BCKDHB: variants seen among roughly 807,000 people sequenced by gnomAD.
The protein encoded by BCKDHB is branched chain keto acid dehydrogenase E1 subunit beta, also known as 2-oxoisovalerate dehydrogenase subunit beta, mitochondrial.
BCKDHB carries 41 observed loss-of-function variants against 48.5 expected under a neutral mutation model. That is an observed-to-expected ratio of 0.85 (90% CI 0.66 to 1.10). BCKDHB has a LOEUF of 1.10. Ranked by LOEUF, BCKDHB falls within the 50% of genes least tolerant of loss-of-function variation. The pLI is 0.00. For synonymous variants in BCKDHB, 201 were observed against 174.8 expected, an observed-to-expected ratio of 1.15 and a Z score of -1.18; for missense variants, 496 against 494.2, an observed-to-expected ratio of 1.00 and a Z score of -0.03.
At chr6:80,438,258 T>C in the BCKDHB span, among the ~76,000 whole-genome samples, 2 of 152,262 alleles carry the variant, frequency 1.3e-5, no homozygotes, top group African/African-American at 4.8e-5. Context: ...TTGTTCTTAC[T>C]ACATCCTAGT....
At chr6:80,376,182 G>A in the BCKDHB span, among the ~76,000 whole-genome samples, 10 of 151,982 alleles carry the variant, frequency 6.6e-5, no homozygotes, top group Admixed American at 3.9e-4. Context: ...GGCTTGCTGC[G>A]GCTGTTATGG....
At chr6:80,416,245 GT>G in the BCKDHB span, among the ~76,000 whole-genome samples, 2,857 of 139,338 alleles carry the variant, frequency 0.021, 30 homozygotes, top group Non-Finnish European at 0.027. Context: ...TTTTGAATAG[GT>G]TTTTTTTTTT....
chr6:80,266,021 A>C (rs549811556), intron 8 of BCKDHB, among the ~76,000 whole-genome samples: 1 of 152,168 alleles, frequency 6.6e-6, no homozygotes, highest in African/African-American at 2.4e-5. Flanking sequence ...CTCCAAAGAA[A>C]AATCCTGGAA....
chr6:80,205,542 A>C (rs572303366), intron 8 of BCKDHB, among the ~76,000 whole-genome samples: 2 of 152,210 alleles, frequency 1.3e-5, no homozygotes, highest in African/African-American at 4.8e-5. Context: ...TTAATCCTTG[A>C]TACATGGTTT....
chr6:80,249,174 C>G (rs767396710), intron 8 of BCKDHB, among the ~76,000 whole-genome samples: 9 of 151,780 alleles, frequency 5.9e-5, no homozygotes, highest in Non-Finnish European at 1.0e-4. Flanking sequence ...GTTCCTCCCA[C>G]CCAATCCTCA....
intron 8 of BCKDHB, among the ~76,000 whole-genome samples, chr6:80,257,695 G>A (rs1023403686): frequency 6.6e-6 from 1 of 151,928 alleles, no homozygotes; most frequent in African/African-American, 2.4e-5. Context: ...CCTCAGAACC[G>A]GAGAAGACAA....
the BCKDHB span, among the ~76,000 whole-genome samples, chr6:80,405,412 C>G: frequency 6.6e-6 from 1 of 152,062 alleles, no homozygotes; most frequent in Admixed American, 6.6e-5. Context: ...CACTTTCAGT[C>G]TATGCATGTT....
At chr6:80,314,949 C>T (rs1015211554) in intron 9 of BCKDHB, among the ~76,000 whole-genome samples, 1 of 152,190 alleles carries the variant, frequency 6.6e-6, no homozygotes, top group Non-Finnish European at 1.5e-5. Flanking sequence ...GCAAAGCCCA[C>T]GGGCTGGAAT....
chr6:80,211,498 T>C (rs189396700), intron 8 of BCKDHB, among the ~76,000 whole-genome samples: 21 of 152,292 alleles, frequency 1.4e-4, no homozygotes, highest in South Asian at 2.1e-4. Flanking sequence ...TTCCTTGCCA[T>C]AGGCAGAGTT....
At chr6:80,377,091 A>T in the BCKDHB span, among the ~76,000 whole-genome samples, 2 of 146,346 alleles carry the variant, frequency 1.4e-5, no homozygotes, top group African/African-American at 5.1e-5. Context: ...CCCAGGCTAG[A>T]GTTTAGTGGT....
At chr6:80,414,754 T>C in the BCKDHB span, among the ~76,000 whole-genome samples, 3 of 152,176 alleles carry the variant, frequency 2.0e-5, no homozygotes, top group East Asian at 1.9e-4. Context: ...TATGGTTCCA[T>C]AGAAATTTTA....
intron 8 of BCKDHB, among the ~76,000 whole-genome samples, chr6:80,271,756 T>C (rs2127962945): frequency 6.6e-6 from 1 of 151,706 alleles, no homozygotes; most frequent in East Asian, 1.9e-4. Flanking sequence ...GAGGTTGCAG[T>C]GAGCCGACAT....
chr6:80,219,498 C>T (rs1775317893), intron 8 of BCKDHB, among the ~76,000 whole-genome samples: 1 of 152,134 alleles, frequency 6.6e-6, no homozygotes, highest in Non-Finnish European at 1.5e-5. Flanking sequence ...TAAGCCACCG[C>T]ACCCAGGGTA....
At chr6:80,381,104 C>T in the BCKDHB span, among the ~76,000 whole-genome samples, 1 of 151,898 alleles carries the variant, frequency 6.6e-6, no homozygotes, top group Admixed American at 6.6e-5. Flanking sequence ...TATTTTGCTG[C>T]CTTTCTTAGA....
In BCKDHB at chr6:80,186,487, C is replaced by G. The variant is rs553915652; in HGVS notation, c.743-14447C>G. Among the ~76,000 whole-genome samples, 5 of 152,280 alleles carry G rather than the reference C, an allele frequency of 3.3e-5. No homozygotes were observed. The South Asian group carries it at 6.2e-4, about 19-fold the overall frequency. ...GATAGATCTTGCCCCAGACTACAAG[C>G]CTTCCTGCTGAGAAAACAAGCAGGG... is the stretch of plus-strand genomic sequence containing the variant. On this transcript the variant is annotated intron_variant, in intron 6 of 9. Transcript: ENST00000320393.
At chr6:80,361,807 C>A in the BCKDHB span, among the ~76,000 whole-genome samples, 2 of 152,142 alleles carry the variant, frequency 1.3e-5, no homozygotes, top group Non-Finnish European at 2.9e-5. Flanking sequence ...TCTTTGTGAT[C>A]TCTAAGTGCT....
chr6:80,172,501 G>A (rs1016883655), intron 6 of BCKDHB, among the ~76,000 whole-genome samples: 2 of 151,776 alleles, frequency 1.3e-5, no homozygotes, highest in Non-Finnish European at 2.9e-5. Context: ...ATTTTTCTAA[G>A]TATTCTAGTT....
the BCKDHB span, among the ~76,000 whole-genome samples, chr6:80,404,309 T>A: frequency 5.3e-5 from 8 of 151,962 alleles, no homozygotes; most frequent in Non-Finnish European, 7.4e-5. Context: ...TCTTAGGAAC[T>A]TGGATGTTTC....
At chr6:80,400,021 T>G in the BCKDHB span, among the ~76,000 whole-genome samples, 1 of 152,104 alleles carries the variant, frequency 6.6e-6, no homozygotes, top group Non-Finnish European at 1.5e-5. Flanking sequence ...GATAATTGGC[T>G]AGCCACATGC....
Sources: allele counts gnomAD v4.1 joint callset (sites outside exome capture counted in the v4.1 genomes callset), GRCh38; gene constraint gnomAD v4.1.1; transcripts MANE v1.5; gene names NCBI Gene and HGNC (gene_info 2026-07-23, HGNC 2026-07-21).